The following ACBD6 variants were observed in gnomAD, a reference collection of about 807,000 sequenced individuals.
The protein encoded by ACBD6 is acyl-CoA binding domain containing 6.
Under a neutral mutation model 37.2 loss-of-function variants are expected in ACBD6, and 28 were observed. That is an observed-to-expected ratio of 0.75 (90% CI 0.56 to 1.03). The LOEUF (loss-of-function observed/expected upper bound fraction) is 1.03. ACBD6 is among the 50% of genes least tolerant of loss of function. ACBD6 has a pLI of 0.00. For missense variants in ACBD6, 340 were observed against 337.4 expected (o/e 1.01, Z -0.06); for synonymous variants, 113 against 126.8 (o/e 0.89, Z 0.73).
At chr1:180,309,389 C>G (rs1357581412) in intron 7 of ACBD6, among the ~76,000 whole-genome samples, 1 of 152,174 alleles carries the variant, frequency 6.6e-6, no homozygotes, top group Non-Finnish European at 1.5e-5. Flanking sequence ...TAAAGGCATT[C>G]ACTCCTAATG....
chr1:180,351,799 T>G (rs12057622), intron 6 of ACBD6, among the ~76,000 whole-genome samples: 1,581 of 152,220 alleles, frequency 0.01, 29 homozygotes, highest in African/African-American at 0.036. Context: ...ATCCAGTAAT[T>G]CCACTTTCCA....
At chr1:180,457,937 C>T (rs1448171018) in intron 3 of ACBD6, among the ~76,000 whole-genome samples, 4 of 151,788 alleles carry the variant, frequency 2.6e-5, no homozygotes, top group East Asian at 1.9e-4. Flanking sequence ...GGATTACAGG[C>T]GCCCACCACC....
intron 6 of ACBD6, among the ~76,000 whole-genome samples, chr1:180,343,283 C>A (rs1228253727): frequency 5.9e-5 from 9 of 152,010 alleles, no homozygotes; most frequent in Non-Finnish European, 1.3e-4. Flanking sequence ...GTTTATTCCA[C>A]CTCCATATCC....
chr1:180,362,410 A>G (rs1652885000), intron 6 of ACBD6, among the ~76,000 whole-genome samples: 1 of 152,174 alleles, frequency 6.6e-6, no homozygotes, highest in African/African-American at 2.4e-5. Flanking sequence ...AGGGAGACCA[A>G]ATGCCAACTG....
chr1:180,337,425 C>A (rs948645715), intron 6 of ACBD6, among the ~76,000 whole-genome samples: 1 of 152,120 alleles, frequency 6.6e-6, no homozygotes, highest in African/African-American at 2.4e-5. Flanking sequence ...TCAATAGATG[C>A]AGAAAAGGCC....
rs535159804 is a variant in ACBD6, at chr1:180,279,593, C to T, written c.*174+1713G>A. Among the ~76,000 whole-genome samples, 10 of 152,284 alleles carry T rather than the reference C, an allele frequency of 6.6e-5. No homozygotes were observed. In the South Asian group the frequency reaches 1.5e-3, roughly 22 times the overall value. ...AATTACAGGTGTGAGCCACCATGCC[C>T]GGCCTGTCCAGTAGCATTTTAAAAG... On this transcript the variant is annotated intron_variant, in intron 9 of 13. Transcript: ENST00000642319.
chr1:180,324,475 T>C (rs1391156725), intron 6 of ACBD6, among the ~76,000 whole-genome samples: 3 of 151,792 alleles, frequency 2.0e-5, no homozygotes, highest in Non-Finnish European at 4.4e-5. Context: ...CATAAACAAA[T>C]AGGCAAAAAA....
At chr1:180,281,025 T>C (rs716760) in intron 9 of ACBD6, among the ~76,000 whole-genome samples, 73,898 of 152,056 alleles carry the variant, frequency 0.49, 20,538 homozygotes, top group South Asian at 0.66. Flanking sequence ...TTTTTGAGTA[T>C]AGCAGGTTCA....
Position 180,435,941 on chromosome 1 carries a change from T to C in ACBD6, c.385-5679A>G, listed in dbSNP as rs1649018928. ...TGGTTTAGGCCTGGAATTTCAAGCATAAATGAATACTGTACAATTGTTTAA... is the reference window on the plus strand; with the variant it reads ...TGGTTTAGGCCTGGAATTTCAAGCACAAATGAATACTGTACAATTGTTTAA... On this transcript the variant is annotated intron_variant, in intron 3 of 7. Transcript: ENST00000367595. 5 of 1,255,816 alleles carry C rather than the reference T, an allele frequency of 4.0e-6. No individual in the cohort carries two copies. The South Asian group carries it at 4.8e-5, about 12-fold the overall frequency. 77.8% of individuals were successfully genotyped at this position (1,255,816 alleles called of 1,614,324 possible).
At chr1:180,425,850 A>G (rs1002257042) in intron 4 of ACBD6, among the ~76,000 whole-genome samples, 4 of 152,216 alleles carry the variant, frequency 2.6e-5, no homozygotes, top group African/African-American at 4.8e-5. Context: ...TTCATATTTC[A>G]CCAAGAATAC....
Position 180,365,638 on chromosome 1 carries a change from T to C in ACBD6, c.663+31878A>G, listed in dbSNP as rs114055139. Among the ~76,000 whole-genome samples, 501 of 152,320 alleles carry C rather than the reference T, an allele frequency of 3.3e-3. 3 individuals carry two copies. Among genetic ancestry groups the C allele is most frequent in the African/African-American group, 0.012 (480 of 41,576 alleles). On this transcript the variant is annotated intron_variant, in intron 6 of 7. Transcript: ENST00000367595. ...TTTATAGATTATATTCCTATTACTG[T>C]AATGGCAGCAGTAAATTTGCTTTGT...
At chr1:180,320,373 C>T (rs1261951866) in intron 6 of ACBD6, among the ~76,000 whole-genome samples, 3 of 152,142 alleles carry the variant, frequency 2.0e-5, no homozygotes, top group Non-Finnish European at 4.4e-5. Context: ...GTGTGGGTCA[C>T]GCCTGTAATT....
intron 6 of ACBD6, among the ~76,000 whole-genome samples, chr1:180,323,497 T>C (rs6665719): frequency 0.49 from 74,432 of 151,878 alleles, 20,888 homozygotes; most frequent in South Asian, 0.66. Flanking sequence ...GACAGTGGTA[T>C]GTTGGAGTCT....
intron 6 of ACBD6, among the ~76,000 whole-genome samples, chr1:180,394,118 G>T (rs1456942791): frequency 1.3e-5 from 2 of 152,280 alleles, no homozygotes; most frequent in East Asian, 1.9e-4. Context: ...TAGAGACAGG[G>T]TCTTATGCTC....
At chr1:180,390,906 A>C (rs1051041833) in intron 6 of ACBD6, among the ~76,000 whole-genome samples, 7 of 152,222 alleles carry the variant, frequency 4.6e-5, no homozygotes, top group Non-Finnish European at 1.0e-4. Context: ...GCGGAAGAAT[A>C]ACACTTCTCA....
At chr1:180,383,642 T>C (rs1653741811) in intron 6 of ACBD6, among the ~76,000 whole-genome samples, 1 of 152,154 alleles carries the variant, frequency 6.6e-6, no homozygotes, top group Admixed American at 6.5e-5. Context: ...AATATTGACG[T>C]CATTTTTCAC....
intron 3 of ACBD6, among the ~76,000 whole-genome samples, chr1:180,476,386 G>A (rs1412032964): frequency 6.6e-6 from 1 of 151,928 alleles, no homozygotes; most frequent in African/African-American, 2.4e-5. Context: ...AGGCATAAAT[G>A]GGTTAAATTT....
At chr1:180,495,625 G>T in intron 1 of ACBD6, 100 bp from the exon 2 acceptor site, 1 of 920,610 alleles carries the variant, frequency 1.1e-6, no homozygotes, top group Non-Finnish European at 1.7e-6. Flanking sequence ...ACCATAGGTT[G>T]GAAAATATTT....
chr1:180,292,883 C>G (rs943804465), intron 7 of ACBD6, among the ~76,000 whole-genome samples: 1 of 151,544 alleles, frequency 6.6e-6, no homozygotes, highest in African/African-American at 2.4e-5. Context: ...AAATTCCCTA[C>G]TATTTCCTAT....
Sources: allele counts gnomAD v4.1 joint callset (sites outside exome capture counted in the v4.1 genomes callset), GRCh38; gene constraint gnomAD v4.1.1; transcripts MANE v1.5; gene names NCBI Gene and HGNC (gene_info 2026-07-23, HGNC 2026-07-21).